CDH2: variants seen among roughly 807,000 people sequenced by gnomAD.
CDH2 encodes the protein cadherin 2.
In CDH2, 17 loss-of-function variants were observed where a neutral mutation model predicts 92.0. The observed-to-expected ratio is 0.18, with a 90% CI of 0.13 to 0.28. The LOEUF (loss-of-function observed/expected upper bound fraction) is 0.28, where lower values mean the gene tolerates loss of function less well. Among genes scored for constraint, CDH2 ranks in the 10% least tolerant of loss-of-function variants. The pLI, the probability that CDH2 is intolerant of heterozygous loss-of-function variation, is 1.00. For synonymous variants in CDH2, 419 were observed against 415.9 expected (o/e 1.01, Z -0.09); for missense variants, 862 against 1,133.1 (o/e 0.76, Z 3.44).
downstream of CDH2, among the ~76,000 whole-genome samples, chr18:27,950,358 T>A (rs62101447): frequency 6.6e-6 from 1 of 152,114 alleles, no homozygotes; most frequent in African/African-American, 2.4e-5. Flanking sequence ...TCAGAATGAA[T>A]CATAGTAAGA....
chr18:28,017,586 T>G (rs1012593503), intron 2 of CDH2, among the ~76,000 whole-genome samples: 1 of 152,164 alleles, frequency 6.6e-6, no homozygotes, highest in African/African-American at 2.4e-5. Flanking sequence ...TTATCTTTTG[T>G]ATCTTTTTTG....
chr18:28,047,794 G>T (rs976823930), intron 2 of CDH2, among the ~76,000 whole-genome samples: 1 of 149,254 alleles, frequency 6.7e-6, no homozygotes, highest in African/African-American at 2.5e-5. Context: ...GCGTGAACCC[G>T]GAAGGCGGAG....
intron 2 of CDH2, among the ~76,000 whole-genome samples, chr18:28,046,702 A>C (rs1179126791): frequency 6.6e-6 from 1 of 152,222 alleles, no homozygotes. Context: ...CAATTAAATA[A>C]GTAAATGGAA....
At chr18:27,943,268 G>C (rs1215291585) in intron 6 of CDH2, among the ~76,000 whole-genome samples, 1 of 152,164 alleles carries the variant, frequency 6.6e-6, no homozygotes, top group Admixed American at 6.5e-5. Context: ...AGATAAGTAA[G>C]TGTGAGCTCT....
chr18:28,062,417 T>C (rs903961903), intron 2 of CDH2, among the ~76,000 whole-genome samples: 2 of 152,176 alleles, frequency 1.3e-5, no homozygotes, highest in Admixed American at 6.5e-5. Flanking sequence ...GAGTCAATAA[T>C]AGAGTTTTGC....
chr18:28,137,627 C>T (rs1238200494), intron 2 of CDH2, among the ~76,000 whole-genome samples: 2 of 151,960 alleles, frequency 1.3e-5, no homozygotes, highest in Non-Finnish European at 2.9e-5. Context: ...CTCAAATGTC[C>T]GAACACCATA....
intron 2 of CDH2, among the ~76,000 whole-genome samples, chr18:28,057,324 T>A (rs1461131914): frequency 6.6e-6 from 1 of 152,230 alleles, no homozygotes. Context: ...CAGACTTTCA[T>A]GCTAAAATTA....
chr18:27,938,980 C>G (rs1909078326), intron 6 of CDH2, among the ~76,000 whole-genome samples: 1 of 152,122 alleles, frequency 6.6e-6, no homozygotes, highest in African/African-American at 2.4e-5. Context: ...AAAAATATAT[C>G]CCTAGAAGTT....
At chr18:28,027,554 G>A (rs1234137732) in intron 2 of CDH2, among the ~76,000 whole-genome samples, 2 of 151,988 alleles carry the variant, frequency 1.3e-5, no homozygotes, top group African/African-American at 4.8e-5. Context: ...CAGCAGTAGG[G>A]ATGATATAGA....
At chr18:28,086,335 T>C (rs909217609) in intron 2 of CDH2, among the ~76,000 whole-genome samples, 1 of 152,194 alleles carries the variant, frequency 6.6e-6, no homozygotes, top group African/African-American at 2.4e-5. Context: ...TGCTTAAACA[T>C]TTCCTCTACT....
rs1567932486 is a variant in CDH2 at position 27,951,348 on chromosome 18, T to TAAAC, written c.*801_*804dup. On this transcript the variant is annotated 3_prime_UTR_variant, in exon 16 of 16. Transcript: ENST00000269141. ...AATACTTTATCCATAACGAAAGATA[T>TAAAC]AAACATGCAAAAAACCTGAATCCAT... 6.6e-6 allele frequency: 1 copy of TAAAC among 152,452 alleles called. No homozygotes were observed. The highest frequency in any genetic ancestry group is 1.9e-4 in the East Asian group (1 of 5,194). 9.4% of individuals were successfully genotyped at this position (152,452 alleles called of 1,614,324 possible).
chr18:28,043,999 G>A (rs1187772405), intron 2 of CDH2, among the ~76,000 whole-genome samples: 2 of 144,402 alleles, frequency 1.4e-5, no homozygotes, highest in African/African-American at 5.1e-5. Flanking sequence ...TGCAACCTCT[G>A]CCTCCCGGGT....
At chr18:28,087,845 C>T (rs2014963236) in intron 2 of CDH2, among the ~76,000 whole-genome samples, 1 of 151,972 alleles carries the variant, frequency 6.6e-6, no homozygotes, top group Non-Finnish European at 1.5e-5. Context: ...GCTGACCAAA[C>T]TTTCATGATG....
intron 2 of CDH2, among the ~76,000 whole-genome samples, chr18:28,019,065 T>C (rs891227969): frequency 2.0e-5 from 3 of 151,962 alleles, no homozygotes; most frequent in Admixed American, 6.6e-5. Flanking sequence ...CTAAACCCTA[T>C]GTTCTCGCTC....
At chr18:28,021,156 T>C (rs549208335) in intron 2 of CDH2, among the ~76,000 whole-genome samples, 1 of 152,132 alleles carries the variant, frequency 6.6e-6, no homozygotes, top group African/African-American at 2.4e-5. Flanking sequence ...TACCTTTATG[T>C]AATTATCCTA....
intron 2 of CDH2, among the ~76,000 whole-genome samples, chr18:28,096,558 C>T (rs1350617822): frequency 6.6e-6 from 1 of 151,916 alleles, no homozygotes; most frequent in Non-Finnish European, 1.5e-5. Context: ...AACACATTCT[C>T]CAAAAATACA....
intron 2 of CDH2, among the ~76,000 whole-genome samples, chr18:28,119,901 T>C (rs561109309): frequency 3.3e-5 from 5 of 152,026 alleles, no homozygotes; most frequent in East Asian, 3.9e-4. Flanking sequence ...AACTTGACTG[T>C]TGGCCATCTC....
chr18:27,953,928 C>T (rs966758230), intron 15 of CDH2, among the ~76,000 whole-genome samples: 7 of 151,938 alleles, frequency 4.6e-5, no homozygotes, highest in African/African-American at 1.2e-4. Flanking sequence ...AAATAAGAAA[C>T]GATGAAGATA....
At chr18:28,161,260 T>C (rs2016302264) in intron 1 of CDH2, among the ~76,000 whole-genome samples, 1 of 151,998 alleles carries the variant, frequency 6.6e-6, no homozygotes, top group Non-Finnish European at 1.5e-5. Context: ...GTTGCTGTGG[T>C]CATCATTTGG....
Sources: allele counts gnomAD v4.1 joint callset (sites outside exome capture counted in the v4.1 genomes callset), GRCh38; gene constraint gnomAD v4.1.1; transcripts MANE v1.5; gene names NCBI Gene and HGNC (gene_info 2026-07-23, HGNC 2026-07-21).